The following ADAM12 variants were observed in gnomAD, a reference collection of about 807,000 sequenced individuals.
The protein encoded by ADAM12 is ADAM metallopeptidase domain 12.
ADAM12 carries 70 observed loss-of-function variants against 106.4 expected under a neutral mutation model. The ratio of observed to expected loss-of-function variants is 0.66; its 90% CI spans 0.54 to 0.80. ADAM12 has a LOEUF of 0.80. ADAM12 is among the 30% of genes least tolerant of loss of function. The pLI, the probability that ADAM12 is intolerant of heterozygous loss-of-function variation, is 0.00. For missense variants in ADAM12, 1,010 were observed against 1,171.9 expected (o/e 0.86, Z 2.02); for synonymous variants, 420 against 433.5 (o/e 0.97, Z 0.39).
intron 3 of ADAM12, among the ~76,000 whole-genome samples, chr10:126,258,863 C>G (rs569550549): frequency 3.3e-5 from 5 of 152,194 alleles, no homozygotes; most frequent in African/African-American, 1.2e-4. Flanking sequence ...GTGCACGTAA[C>G]AGCATAATCC....
intron 11 of ADAM12, among the ~76,000 whole-genome samples, chr10:126,084,530 G>GGT (rs1955298456): frequency 6.6e-6 from 1 of 152,214 alleles, no homozygotes; most frequent in Non-Finnish European, 1.5e-5. Context: ...TAGCCCAGTA[G>GGT]ACAGACCTGC....
At chr10:126,151,927 T>C (rs1956734339) in intron 4 of ADAM12, among the ~76,000 whole-genome samples, 1 of 151,834 alleles carries the variant, frequency 6.6e-6, no homozygotes, top group Admixed American at 6.6e-5. Context: ...ATTCTTTCTT[T>C]CTTAATTTTA....
At chr10:126,345,865 T>C (rs1320114741) in intron 1 of ADAM12, among the ~76,000 whole-genome samples, 1 of 152,238 alleles carries the variant, frequency 6.6e-6, no homozygotes, top group Non-Finnish European at 1.5e-5. Context: ...GGATTGGTGG[T>C]GATATCCCCT....
intron 3 of ADAM12, among the ~76,000 whole-genome samples, chr10:126,197,375 C>T (rs75353346): frequency 0.02 from 3,067 of 152,238 alleles, 43 homozygotes; most frequent in South Asian, 0.034. Context: ...GATACATGTC[C>T]CAGGCTTGAG....
At chr10:126,113,718 ATATATATATATAT>A (rs1565067786) in intron 6 of ADAM12, among the ~76,000 whole-genome samples, 891 of 68,866 alleles carry the variant, frequency 0.013, 63 homozygotes, top group East Asian at 0.06. Context: ...ATATATATAT[ATATATATATATAT>A]AATATATTGC....
intron 1 of ADAM12, among the ~76,000 whole-genome samples, chr10:126,364,622 G>C (rs1564758105): frequency 6.6e-6 from 1 of 152,100 alleles, no homozygotes; most frequent in Non-Finnish European, 1.5e-5. Flanking sequence ...ATGGTATGCT[G>C]TTCATTCCAA....
chr10:126,243,453 T>C (rs1252222162), intron 3 of ADAM12, among the ~76,000 whole-genome samples: 1 of 148,018 alleles, frequency 6.8e-6, no homozygotes, highest in Non-Finnish European at 1.5e-5. Context: ...ATCTTCTGTG[T>C]AGACCAGTGG....
chr10:126,190,029 T>C (rs1237547144), intron 3 of ADAM12, among the ~76,000 whole-genome samples: 1 of 152,030 alleles, frequency 6.6e-6, no homozygotes. Context: ...CTGAGCTCAC[T>C]CTTCCAAATG....
chr10:126,295,430 G>C (rs1960323432), intron 2 of ADAM12, among the ~76,000 whole-genome samples: 1 of 152,114 alleles, frequency 6.6e-6, no homozygotes, highest in Non-Finnish European at 1.5e-5. Context: ...TGCTCCTTTT[G>C]TCTAAGAATA....
chr10:126,239,154 G>T (rs1958474818), intron 3 of ADAM12, among the ~76,000 whole-genome samples: 1 of 152,216 alleles, frequency 6.6e-6, no homozygotes, highest in Non-Finnish European at 1.5e-5. Flanking sequence ...CAGTGTTAAA[G>T]ATTAGCTTTT....
intron 20 of ADAM12, among the ~76,000 whole-genome samples, 193 bp from the exon 21 acceptor site, chr10:126,036,518 C>T (rs1265426837): frequency 6.6e-6 from 1 of 152,154 alleles, no homozygotes; most frequent in Non-Finnish European, 1.5e-5. Context: ...ACAGAAGCAT[C>T]ACCTGCCTCC....
At chr10:126,233,620 A>T (rs570342892) in intron 3 of ADAM12, among the ~76,000 whole-genome samples, 1 of 152,208 alleles carries the variant, frequency 6.6e-6, no homozygotes, top group East Asian at 1.9e-4. Context: ...TCTGCAGGAG[A>T]TAGGAGGATT....
intron 3 of ADAM12, among the ~76,000 whole-genome samples, chr10:126,170,459 T>C (rs1395246189): frequency 1.3e-5 from 2 of 150,460 alleles, no homozygotes; most frequent in African/African-American, 4.9e-5. Context: ...GGGGAGTCCC[T>C]GTGTGTGAAC....
At chr10:126,282,356 G>A (rs1407990809) in intron 2 of ADAM12, among the ~76,000 whole-genome samples, 3 of 152,094 alleles carry the variant, frequency 2.0e-5, no homozygotes, top group Non-Finnish European at 4.4e-5. Context: ...TTTGCTGGGG[G>A]GAAGGGAGAG....
At chr10:126,314,515 C>A (rs1961261762) in intron 2 of ADAM12, among the ~76,000 whole-genome samples, 1 of 152,130 alleles carries the variant, frequency 6.6e-6, no homozygotes, top group East Asian at 1.9e-4. Context: ...TGGGAGCACC[C>A]TCCACTCATA....
At chr10:126,109,085 T>C (rs1955824627) in intron 7 of ADAM12, among the ~76,000 whole-genome samples, 2 of 152,194 alleles carry the variant, frequency 1.3e-5, no homozygotes, top group African/African-American at 4.8e-5. Flanking sequence ...TGTCAAACAA[T>C]ACAGAGGAGA....
At position 126,370,802 on chromosome 10, in the gene ADAM12, C is replaced by T. The variant is rs1856085250; in HGVS notation, c.88+17256G>A. Among the ~76,000 whole-genome samples the T allele has an allele frequency of 2.0e-5, 3 of 152,148 alleles. No homozygotes were observed. In the South Asian group the frequency reaches 6.2e-4, roughly 32 times the overall value. ...CATGTGGGCCCTGAAAATCAACTGCCTAGTTCAATCCTGGCTCAGCCTCTT... is the reference window on the plus strand; with the variant it reads ...CATGTGGGCCCTGAAAATCAACTGCTTAGTTCAATCCTGGCTCAGCCTCTT... On this transcript the variant is annotated intron_variant, in intron 1 of 22. Transcript: ENST00000448723.
chr10:126,057,770 C>G (rs1590349058), intron 14 of ADAM12, among the ~76,000 whole-genome samples: 1 of 152,320 alleles, frequency 6.6e-6, no homozygotes, highest in South Asian at 2.1e-4. Flanking sequence ...GCTCTGGGAG[C>G]TTGGAGCAGC....
chr10:126,353,881 T>C (rs935830491), intron 1 of ADAM12, among the ~76,000 whole-genome samples: 1 of 152,180 alleles, frequency 6.6e-6, no homozygotes, highest in African/African-American at 2.4e-5. Flanking sequence ...CAGCATATTT[T>C]CCAGGGATAA....
Sources: allele counts gnomAD v4.1 joint callset (sites outside exome capture counted in the v4.1 genomes callset), GRCh38; gene constraint gnomAD v4.1.1; transcripts MANE v1.5; gene names NCBI Gene and HGNC (gene_info 2026-07-23, HGNC 2026-07-21).